ZFAND6: variants seen among roughly 807,000 people sequenced by gnomAD.
ZFAND6 encodes AN1-type zinc finger protein 6.
ZFAND6 carries 12 observed loss-of-function variants against 24.5 expected under a neutral mutation model. The ratio of observed to expected loss-of-function variants is 0.49; its 90% CI spans 0.31 to 0.79. The LOEUF (loss-of-function observed/expected upper bound fraction) is 0.79. ZFAND6 is among the 30% of genes least tolerant of loss of function. The probability of loss-of-function intolerance (pLI) is 0.04; values close to 1 mark genes in which losing one functional copy is unlikely to be tolerated. For synonymous variants in ZFAND6, 92 were observed against 81.5 expected (o/e 1.13, Z -0.69); for missense variants, 207 against 245.9 (o/e 0.84, Z 1.06).
intron 1 of ZFAND6, among the ~76,000 whole-genome samples, chr15:80,085,684 AT>A (rs566400767): frequency 2.3e-3 from 348 of 152,196 alleles, no homozygotes; most frequent in African/African-American, 8.1e-3. Context: ...CCTAGGTTTA[AT>A]TTTTTTAATG....
chr15:80,096,666 T>C (rs936283225), intron 1 of ZFAND6, among the ~76,000 whole-genome samples: 4 of 152,244 alleles, frequency 2.6e-5, no homozygotes, highest in Admixed American at 6.5e-5. Flanking sequence ...TTTTGAATTA[T>C]GTTGCTAATA....
chr15:80,113,025 C>CTTTGTGTAACA (rs2039688991), intron 2 of ZFAND6, among the ~76,000 whole-genome samples: 1 of 152,118 alleles, frequency 6.6e-6, no homozygotes, highest in Admixed American at 6.5e-5. Context: ...GCTCGTCTTA[C>CTTTGTGTAACA]CTTTGTGTAA....
At chr15:80,114,942 T>C (rs937570333) in intron 2 of ZFAND6, 1 of 152,202 alleles carries the variant, frequency 6.6e-6, no homozygotes, top group African/African-American at 2.4e-5. Context: ...TAATGAATGC[T>C]CAGAAAATTA....
intron 1 of ZFAND6, chr15:80,073,327 A>G (rs1029745656): frequency 8.6e-6 from 3 of 350,708 alleles, no homozygotes; most frequent in East Asian, 1.8e-4. Context: ...TTTAAAAGCT[A>G]TAGGTAGGCT....
rs75153736 is a variant in ZFAND6 at position 80,073,882 on chromosome 15, C to T, written c.-181+14073C>T. Among the ~76,000 whole-genome samples, 3,122 of 151,814 alleles carry T rather than the reference C, an allele frequency of 0.021. 230 individuals carry two copies. In the East Asian group the frequency reaches 0.22, roughly 11 times the overall value. ...TGTCTACTTTTAGGTTCTAATTTTT[C>T]GTCATTTTTAATAGTATTGCGTTGA... On this transcript the variant is annotated intron_variant, in intron 1 of 6. Transcript: ENST00000261749.
chr15:80,112,965 C>G, intron 2 of ZFAND6: 3 of 414,986 alleles, frequency 7.2e-6, no homozygotes, highest in Non-Finnish European at 1.4e-5. Context: ...TTCACCCATT[C>G]TGAGCAGTTA....
At chr15:80,061,210 C>T (rs2036315070) in intron 1 of ZFAND6, among the ~76,000 whole-genome samples, 2 of 152,106 alleles carry the variant, frequency 1.3e-5, no homozygotes, top group Non-Finnish European at 1.5e-5. Context: ...TAAAGGGAGA[C>T]ATCACAAATG....
intron 1 of ZFAND6, among the ~76,000 whole-genome samples, chr15:80,067,832 A>G (rs1407242615): frequency 6.6e-6 from 1 of 152,216 alleles, no homozygotes; most frequent in Middle Eastern, 3.2e-3. Context: ...TAAGTTTGAA[A>G]TAGGAACTTG....
intron 1 of ZFAND6, among the ~76,000 whole-genome samples, chr15:80,093,273 C>CT (rs1211542226): frequency 6.6e-6 from 1 of 151,402 alleles, no homozygotes; most frequent in Non-Finnish European, 1.5e-5. Flanking sequence ...GCAGGACTTT[C>CT]TTTTTTTTAA....
At chr15:80,106,717 T>A in intron 2 of ZFAND6, among the ~76,000 whole-genome samples, 1 of 152,156 alleles carries the variant, frequency 6.6e-6, no homozygotes, top group East Asian at 1.9e-4. Flanking sequence ...TGAATTTGTG[T>A]AGGTATCTTT....
At chr15:80,081,766 G>C (rs1327990878) in intron 1 of ZFAND6, among the ~76,000 whole-genome samples, 1 of 152,140 alleles carries the variant, frequency 6.6e-6, no homozygotes, top group African/African-American at 2.4e-5. Context: ...GAGAAACTTT[G>C]GGCCAAACCT....
chr15:80,107,679 A>G (rs539350894), intron 2 of ZFAND6, among the ~76,000 whole-genome samples: 9 of 152,194 alleles, frequency 5.9e-5, no homozygotes, highest in African/African-American at 9.6e-5. Context: ...ACAAAAAGTC[A>G]TGATGATAGG....
intron 2 of ZFAND6, among the ~76,000 whole-genome samples, chr15:80,107,114 C>G (rs1037681750): frequency 2.0e-5 from 3 of 152,076 alleles, no homozygotes. Flanking sequence ...AGTCGGGAGG[C>G]TGAGGTAGGA....
At chr15:80,110,047 G>A (rs2039528584) in intron 2 of ZFAND6, among the ~76,000 whole-genome samples, 1 of 152,140 alleles carries the variant, frequency 6.6e-6, no homozygotes, top group Non-Finnish European at 1.5e-5. Flanking sequence ...TCAGCTACTC[G>A]TCACATGAGC....
At position 80,137,679 on chromosome 15, in the gene ZFAND6, T is replaced by C. The variant is rs752880098; in HGVS notation, c.*51T>C. The C allele has an allele frequency of 6.6e-6, 10 of 1,511,426 alleles. No individual in the cohort carries two copies. The highest frequency in any genetic ancestry group is 1.4e-5 in the South Asian group (1 of 73,324). 93.6% of individuals were successfully genotyped at this position (1,511,426 alleles called of 1,614,324 possible). A position where few individuals can be genotyped will look rare whatever the true frequency, so the allele number is the denominator to read the frequency against. On this transcript the variant is annotated 3_prime_UTR_variant, in exon 7 of 7. Transcript: ENST00000261749. ...GAGCATCTGCAAACTAAAAATTGAC[T>C]TGAGGTTTTTTTTTTCCTAGTCATT...
chr15:80,119,567 T>G (rs935998042), intron 2 of ZFAND6, among the ~76,000 whole-genome samples: 3 of 129,190 alleles, frequency 2.3e-5, no homozygotes, highest in African/African-American at 5.4e-5. Flanking sequence ...CTTTTGTCAT[T>G]TATATATCAT....
At chr15:80,074,770 A>G (rs1258711925) in intron 1 of ZFAND6, among the ~76,000 whole-genome samples, 2 of 151,992 alleles carry the variant, frequency 1.3e-5, no homozygotes, top group African/African-American at 4.8e-5. Context: ...CAAATTATGT[A>G]TACTTTTACT....
chr15:80,062,769 T>C (rs1351925855), intron 1 of ZFAND6, among the ~76,000 whole-genome samples: 1 of 152,208 alleles, frequency 6.6e-6, no homozygotes, highest in Non-Finnish European at 1.5e-5. Context: ...AATAGAAAGT[T>C]ACTAAGAAAA....
rs2040155624 is a variant in ZFAND6, at chr15:80,121,711, G to A, written c.155-1G>A. 1.2e-6 allele frequency: 2 copies of A among 1,613,378 alleles called. No homozygotes were observed. The highest frequency in any genetic ancestry group is 1.7e-6 in the Non-Finnish European group (2 of 1,179,588). ...TAATACGCAATGTGGTACTGTTACA[G>A]CAACCTCTGTCAGTAGTCTGTCTGA... On this transcript the variant is annotated splice_acceptor_variant, in intron 3 of 6. Coordinates refer to ENST00000261749, the MANE Select transcript of ZFAND6 (RefSeq NM_019006.4). LOFTEE classifies it high-confidence loss of function.
Sources: gnomAD v4.1 joint callset for allele counts (sites outside exome capture counted in the v4.1 genomes callset) on GRCh38, gnomAD v4.1.1 for gene constraint, MANE v1.5 for transcripts, NCBI Gene and HGNC (gene_info 2026-07-23, HGNC 2026-07-21) for gene names.